The following PPFIBP2 variants were observed in gnomAD, a reference collection of about 807,000 sequenced individuals.
PPFIBP2 encodes liprin-beta-2.
In PPFIBP2, 118 loss-of-function variants were observed where a neutral mutation model predicts 118.3. That is an observed-to-expected ratio of 1.00 (90% CI 0.86 to 1.16). The LOEUF (loss-of-function observed/expected upper bound fraction) is 1.16, where lower values mean the gene tolerates loss of function less well. Ranked by LOEUF, PPFIBP2 falls within the 50% of genes most tolerant of loss-of-function variation. PPFIBP2 has a pLI of 0.00. For missense variants in PPFIBP2, 1,195 were observed against 1,073.1 expected (o/e 1.11, Z -1.59); for synonymous variants, 414 against 397.4 (o/e 1.04, Z -0.50).
intron 5 of PPFIBP2, among the ~76,000 whole-genome samples, chr11:7,602,616 A>G (rs753322011): frequency 6.6e-6 from 1 of 152,242 alleles, no homozygotes; most frequent in South Asian, 2.1e-4. Flanking sequence ...GATATAATCA[A>G]TGTAAACAGA....
intron 10 of PPFIBP2, among the ~76,000 whole-genome samples, 172 bp downstream of exon 10, chr11:7,629,706 T>C (rs1464991466): frequency 1.3e-5 from 2 of 152,192 alleles, no homozygotes; most frequent in East Asian, 3.8e-4. Flanking sequence ...CAGTTGTTGA[T>C]TTCCAGAAAT....
At chr11:7,534,192 A>G (rs1382013861) in intron 1 of PPFIBP2, among the ~76,000 whole-genome samples, 1 of 152,220 alleles carries the variant, frequency 6.6e-6, no homozygotes, top group Non-Finnish European at 1.5e-5. Flanking sequence ...TGGAAGGGAA[A>G]GTAGAATTCT....
At chr11:7,570,565 G>T (rs369253142) in intron 3 of PPFIBP2, among the ~76,000 whole-genome samples, 1 of 152,314 alleles carries the variant, frequency 6.6e-6, no homozygotes, top group East Asian at 1.9e-4. Context: ...CCAGGGTGAG[G>T]GGTGGTGCTT....
At chr11:7,581,398 A>C (rs1158623158) in intron 3 of PPFIBP2, among the ~76,000 whole-genome samples, 1 of 152,250 alleles carries the variant, frequency 6.6e-6, no homozygotes, top group African/African-American at 2.4e-5. Flanking sequence ...TCAGTGCTTA[A>C]GCAAATTCCA....
In PPFIBP2 at chr11:7,535,090, A is replaced by G. The variant is rs371151201; in HGVS notation, c.-36-14350A>G. 8.5e-5 allele frequency among the ~76,000 whole-genome samples: 13 copies of G among 152,284 alleles called. 1 individual carries two copies. In the South Asian group the frequency reaches 2.7e-3, roughly 32 times the overall value. ...TTCCTTCTTTCATTTCCACCATCAG[A>G]TACTGAGCTGTTTCCCAGGGGAGGA... On this transcript the variant is annotated intron_variant, in intron 1 of 23. Coordinates refer to ENST00000299492, the MANE Select transcript of PPFIBP2 (RefSeq NM_003621.5).
At chr11:7,516,406 G>T (rs1027856442) in intron 1 of PPFIBP2, among the ~76,000 whole-genome samples, 1 of 152,198 alleles carries the variant, frequency 6.6e-6, no homozygotes, top group Admixed American at 6.5e-5. Flanking sequence ...GATGCAATGA[G>T]AAGTGAGGAG....
intron 1 of PPFIBP2, among the ~76,000 whole-genome samples, chr11:7,526,355 C>T (rs746562042): frequency 6.6e-5 from 10 of 151,962 alleles, no homozygotes; most frequent in Non-Finnish European, 1.2e-4. Flanking sequence ...GAAGTGGGAT[C>T]GAGAAATAAT....
Position 7,629,539 on chromosome 11 carries a change from G to T in PPFIBP2, c.964+5G>T. ...AGATTGTGATGGTCACTCAAGGTAA[G>T]AGCAAGGGCGATCCTACCGTTGTCT... is the stretch of plus-strand genomic sequence containing the variant. On this transcript the variant is annotated splice_donor_5th_base_variant and intron_variant, in intron 10 of 23. Transcript: ENST00000299492. The T allele has an allele frequency of 6.2e-7, 1 of 1,613,714 alleles. No individual in the cohort carries two copies. Among genetic ancestry groups the T allele is most frequent in the Non-Finnish European group, 8.5e-7 (1 of 1,179,648 alleles).
intron 10 of PPFIBP2, among the ~76,000 whole-genome samples, chr11:7,630,293 C>G (rs962714817): frequency 6.6e-6 from 1 of 152,236 alleles, no homozygotes; most frequent in Non-Finnish European, 1.5e-5. Context: ...GGGCCTCTGC[C>G]AGCCCTCACA....
chr11:7,585,197 GGAAATGTAACTCTTTAC>G (rs1302577746), intron 3 of PPFIBP2, among the ~76,000 whole-genome samples: 1 of 152,086 alleles, frequency 6.6e-6, no homozygotes, highest in Non-Finnish European at 1.5e-5. Flanking sequence ...AAGCACTGAA[GGAAATGTAACTCTTTAC>G]CTGGCCAAGA....
chr11:7,565,847 C>T, intron 3 of PPFIBP2, 80 bp downstream of exon 3: 1 of 1,462,524 alleles, frequency 6.8e-7, no homozygotes, highest in Non-Finnish European at 9.4e-7. Context: ...CTGACTGGGG[C>T]TGTTGAGTCA....
chr11:7,521,778 C>T (rs1427538659), intron 1 of PPFIBP2, among the ~76,000 whole-genome samples: 1 of 152,112 alleles, frequency 6.6e-6, no homozygotes, highest in Non-Finnish European at 1.5e-5. Flanking sequence ...GCAATGTTTA[C>T]CTCAGTAAAG....
intron 3 of PPFIBP2, among the ~76,000 whole-genome samples, chr11:7,578,103 G>A (rs530555672): frequency 3.2e-4 from 49 of 152,336 alleles, no homozygotes; most frequent in African/African-American, 9.4e-4. Context: ...CTGCATTTCC[G>A]GAGGAAAGCT....
downstream of PPFIBP2, among the ~76,000 whole-genome samples, chr11:7,657,619 C>A (rs865874367): frequency 6.6e-6 from 1 of 152,216 alleles, no homozygotes; most frequent in Non-Finnish European, 1.5e-5. Flanking sequence ...ATGTCTGTTT[C>A]CTCTCCACTC....
intron 2 of PPFIBP2, among the ~76,000 whole-genome samples, chr11:7,555,506 T>C (rs1406575122): frequency 6.6e-6 from 1 of 152,202 alleles, no homozygotes; most frequent in Non-Finnish European, 1.5e-5. Context: ...GAACAGTCCT[T>C]GACTGATCTT....
At chr11:7,642,244 CTG>C in intron 16 of PPFIBP2, 52 bp from the exon 17 acceptor site, 3 of 1,602,148 alleles carry the variant, frequency 1.9e-6, no homozygotes, top group Non-Finnish European at 2.6e-6. Flanking sequence ...AGCACAGTGA[CTG>C]TAGGCTTTCT....
At chr11:7,655,658 G>T (rs1289378834), downstream of PPFIBP2, among the ~76,000 whole-genome samples, 3 of 152,068 alleles carry the variant, frequency 2.0e-5, no homozygotes, top group African/African-American at 7.2e-5. Flanking sequence ...GAGGCAGAAA[G>T]CAGCCCAGGG....
At chr11:7,641,120 C>T (rs1009995962) in intron 15 of PPFIBP2, 1 of 1,213,294 alleles carries the variant, frequency 8.2e-7, no homozygotes. Flanking sequence ...GTTTCCCTAC[C>T]CTAACCCTCC....
intron 3 of PPFIBP2, among the ~76,000 whole-genome samples, chr11:7,584,279 G>A (rs1162640268): frequency 6.6e-6 from 1 of 152,198 alleles, no homozygotes; most frequent in Non-Finnish European, 1.5e-5. Flanking sequence ...TTTATTTGCT[G>A]TTTATGAACT....
Sources: allele counts gnomAD v4.1 joint callset (sites outside exome capture counted in the v4.1 genomes callset), GRCh38; gene constraint gnomAD v4.1.1; transcripts MANE v1.5; gene names NCBI Gene and HGNC (gene_info 2026-07-23, HGNC 2026-07-21).